Variants in NAV2 observed in about 807,000 individuals in gnomAD.
NAV2 encodes the protein helicase, APC down-regulated 1.
In NAV2, 54 loss-of-function variants were observed where a neutral mutation model predicts 223.2. The ratio of observed to expected loss-of-function variants is 0.24; its 90% CI spans 0.19 to 0.30. The LOEUF (loss-of-function observed/expected upper bound fraction) is 0.30, where lower values mean the gene tolerates loss of function less well. NAV2 is among the 10% of genes least tolerant of loss of function. The pLI, the probability that NAV2 is intolerant of heterozygous loss-of-function variation, is 1.00. For missense variants in NAV2, 2,806 were observed against 3,147.5 expected (o/e 0.89, Z 2.60); for synonymous variants, 1,279 against 1,239.3 (o/e 1.03, Z -0.67).
intron 1 of NAV2, among the ~76,000 whole-genome samples, chr11:19,352,916 G>A (rs1297298472): frequency 6.6e-6 from 1 of 152,178 alleles, no homozygotes; most frequent in Non-Finnish European, 1.5e-5. Flanking sequence ...GTGTGCATGT[G>A]TGTGTTTGTG....
chr11:19,778,525 CAAAA>C (rs535973814), intron 1 of NAV2, among the ~76,000 whole-genome samples: 1 of 150,990 alleles, frequency 6.6e-6, no homozygotes, highest in Non-Finnish European at 1.5e-5. Context: ...AAACAAAACA[CAAAA>C]AAAACAAAAA....
In NAV2 at chr11:20,114,607, G is replaced by A. The variant is rs201552748; in HGVS notation, c.6976G>A (p.Ala2326Thr). The A allele has an allele frequency of 6.4e-5, 104 of 1,614,060 alleles. 1 individual carries two copies. The East Asian group carries it at 1.2e-3, about 19-fold the overall frequency. ...CTGTTTTCAGCTCTATGGAAGGCGC[G>A]CCCCCTGGGAGGATCCTGCCAAGTG... The part of the protein sequence containing the change: ...REGLQLYGRR[A>T]PWEDPAKWVM... Residue 2326 changes from alanine (A) to threonine (T), a missense_variant, in exon 37 of 38, where the codon GCC becomes ACC. Around this residue, in one of 4 missense-constraint regions of NAV2, gnomAD observed 824 missense variants for 1,069.4 expected, o/e 0.77. Transcript: ENST00000349880.
intron 6 of NAV2, among the ~76,000 whole-genome samples, chr11:19,920,618 G>A (rs570124440): frequency 6.6e-6 from 1 of 152,268 alleles, no homozygotes; most frequent in African/African-American, 2.4e-5. Context: ...TTAGTACAGT[G>A]CCTGGTACAG....
At chr11:19,371,826 G>GCACCAC (rs1848481918) in intron 1 of NAV2, among the ~76,000 whole-genome samples, 1 of 148,116 alleles carries the variant, frequency 6.8e-6, no homozygotes, top group Non-Finnish European at 1.5e-5. Flanking sequence ...GGCTGGAGCT[G>GCACCAC]GAGTACAGTG....
At chr11:19,672,277 T>C (rs531695924) in intron 1 of NAV2, among the ~76,000 whole-genome samples, 29 of 152,316 alleles carry the variant, frequency 1.9e-4, no homozygotes, top group African/African-American at 6.5e-4. Context: ...TTGGGATTTG[T>C]GTGGTTGTTT....
At chr11:19,754,080 C>T (rs1216431966) in intron 1 of NAV2, among the ~76,000 whole-genome samples, 1 of 152,194 alleles carries the variant, frequency 6.6e-6, no homozygotes, top group African/African-American at 2.4e-5. Flanking sequence ...TACAAAAGGG[C>T]TTGCTAGAGA....
intron 2 of NAV2, among the ~76,000 whole-genome samples, chr11:19,837,243 A>AC (rs1381798988): frequency 6.6e-6 from 1 of 152,208 alleles, no homozygotes; most frequent in Admixed American, 6.5e-5. Flanking sequence ...ATAAATAGAT[A>AC]CATTTAAAAA....
chr11:19,782,737 G>T (rs925815525), intron 1 of NAV2, among the ~76,000 whole-genome samples: 1 of 152,138 alleles, frequency 6.6e-6, no homozygotes, highest in African/African-American at 2.4e-5. Context: ...CAGAAATGCT[G>T]TTTCTAATAT....
intron 11 of NAV2, among the ~76,000 whole-genome samples, chr11:19,994,042 C>T (rs2051611484): frequency 6.6e-6 from 1 of 152,142 alleles, no homozygotes; most frequent in Non-Finnish European, 1.5e-5. Context: ...GCCTTGGGTG[C>T]AGAGAGGACC....
At chr11:19,970,659 C>T (rs1481351971) in intron 10 of NAV2, among the ~76,000 whole-genome samples, 1 of 152,032 alleles carries the variant, frequency 6.6e-6, no homozygotes, top group Non-Finnish European at 1.5e-5. Context: ...AGAAGAAAGA[C>T]AAGCCAACAG....
rs183450301 is a variant in NAV2, at chr11:19,760,640, C to T, written c.267+46678C>T. 2.9e-3 allele frequency among the ~76,000 whole-genome samples: 447 copies of T among 152,186 alleles called. 1 individual carries two copies. The highest frequency in any genetic ancestry group is 9.5e-3 in the African/African-American group (394 of 41,516). On this transcript the variant is annotated intron_variant, in intron 1 of 37. Coordinates refer to ENST00000349880, the MANE Select transcript of NAV2 (RefSeq NM_145117.5). ...AGTCCCTATCTTCATGTTATGCAAA[C>T]GGCACCTTTTCAAAATAAACTTTAG... is the stretch of plus-strand genomic sequence containing the variant.
chr11:19,800,676 T>G (rs1229121096), intron 1 of NAV2, among the ~76,000 whole-genome samples: 1 of 137,716 alleles, frequency 7.3e-6, no homozygotes, highest in Non-Finnish European at 1.6e-5. Context: ...AGAATGGGTG[T>G]GTGTGTGTGT....
intron 10 of NAV2, among the ~76,000 whole-genome samples, chr11:19,955,698 C>T (rs1365984506): frequency 6.6e-6 from 1 of 152,170 alleles, no homozygotes; most frequent in African/African-American, 2.4e-5. Context: ...AGGTATTTCT[C>T]ACCAAGTCAG....
intron 4 of NAV2, among the ~76,000 whole-genome samples, chr11:19,873,167 G>T (rs889552194): frequency 6.6e-6 from 1 of 152,182 alleles, no homozygotes; most frequent in Non-Finnish European, 1.5e-5. Context: ...TGTTTCCTGG[G>T]CACATCCTGT....
chr11:19,473,217 G>T (rs1461887468), intron 1 of NAV2, among the ~76,000 whole-genome samples: 1 of 152,110 alleles, frequency 6.6e-6, no homozygotes, highest in Admixed American at 6.5e-5. Context: ...AGTTAAGCTT[G>T]CTTCTTTCTA....
chr11:19,871,424 C>G (rs1428191629), intron 4 of NAV2, among the ~76,000 whole-genome samples: 1 of 152,084 alleles, frequency 6.6e-6, no homozygotes, highest in Non-Finnish European at 1.5e-5. Flanking sequence ...TGTGCCAGAG[C>G]CCCCAGGATT....
chr11:19,913,144 T>C (rs2043462940), intron 6 of NAV2, among the ~76,000 whole-genome samples: 1 of 152,228 alleles, frequency 6.6e-6, no homozygotes, highest in South Asian at 2.1e-4. Context: ...CTGTTTTGTG[T>C]AATATAACCA....
chr11:19,433,404 G>A (rs1200620603), intron 1 of NAV2, among the ~76,000 whole-genome samples: 4 of 152,168 alleles, frequency 2.6e-5, no homozygotes, highest in African/African-American at 9.7e-5. Flanking sequence ...AGCCCAAGGT[G>A]CCCCGCAAGC....
chr11:19,684,527 T>G (rs1482703717), intron 1 of NAV2, among the ~76,000 whole-genome samples: 1 of 152,104 alleles, frequency 6.6e-6, no homozygotes, highest in African/African-American at 2.4e-5. Flanking sequence ...AAGCACTACC[T>G]AAATGCTGAT....
Sources: gnomAD v4.1 joint callset for allele counts (sites outside exome capture counted in the v4.1 genomes callset) on GRCh38, gnomAD v4.1.1 for gene constraint, gnomAD v4.1.1 regional missense constraint, MANE v1.5 for transcripts, NCBI Gene and HGNC (gene_info 2026-07-23, HGNC 2026-07-21) for gene names.